PACRG: variants seen among roughly 807,000 people sequenced by gnomAD.
PACRG encodes the protein parkin coregulated gene protein.
Under a neutral mutation model 29.7 loss-of-function variants are expected in PACRG, and 29 were observed. The ratio of observed to expected loss-of-function variants is 0.98; its 90% CI spans 0.73 to 1.33. The LOEUF is 1.33. Ranked by LOEUF, PACRG falls within the 40% of genes most tolerant of loss-of-function variation. The pLI is 0.00. For missense variants in PACRG, 279 were observed against 316.2 expected, an observed-to-expected ratio of 0.88 and a Z score of 0.89; for synonymous variants, 116 against 118.7, an observed-to-expected ratio of 0.98 and a Z score of 0.15.
chr6:162,836,584 C>T (rs1789244561), intron 2 of PACRG, among the ~76,000 whole-genome samples: 1 of 152,172 alleles, frequency 6.6e-6, no homozygotes, highest in Admixed American at 6.6e-5. Flanking sequence ...GAGGGAAGAG[C>T]CCTATGTCAT....
At chr6:162,909,143 A>G (rs925926884) in intron 2 of PACRG, among the ~76,000 whole-genome samples, 3 of 152,178 alleles carry the variant, frequency 2.0e-5, no homozygotes, top group Admixed American at 6.5e-5. Flanking sequence ...ACAAATGATC[A>G]TACTCTTTCA....
intron 2 of PACRG, among the ~76,000 whole-genome samples, chr6:162,902,299 G>T (rs139784977): frequency 6.6e-6 from 1 of 152,158 alleles, no homozygotes; most frequent in African/African-American, 2.4e-5. Context: ...AATCCATTTG[G>T]ATGCTCTAAA....
chr6:162,778,770 GA>G (rs1783850830), intron 1 of PACRG, among the ~76,000 whole-genome samples: 1 of 152,224 alleles, frequency 6.6e-6, no homozygotes, highest in African/African-American at 2.4e-5. Flanking sequence ...CCGGCAGGTG[GA>G]GCAGCACGCC....
chr6:163,008,211 C>T (rs1805300294), intron 2 of PACRG, among the ~76,000 whole-genome samples: 1 of 152,134 alleles, frequency 6.6e-6, no homozygotes, highest in Non-Finnish European at 1.5e-5. Flanking sequence ...CTCACGCACA[C>T]ACTAAGACAC....
chr6:163,180,567 C>A (rs1192101968), intron 4 of PACRG, among the ~76,000 whole-genome samples: 1 of 152,006 alleles, frequency 6.6e-6, no homozygotes, highest in Non-Finnish European at 1.5e-5. Flanking sequence ...TTCAAGGCTG[C>A]AGTGAGCTAT....
intron 1 of PACRG, among the ~76,000 whole-genome samples, chr6:162,779,820 G>A (rs954121832): frequency 3.9e-5 from 6 of 152,142 alleles, no homozygotes; most frequent in African/African-American, 4.8e-5. Flanking sequence ...TAGACAAGAC[G>A]TATGAAACAA....
At chr6:162,870,445 GT>G (rs1224981307) in intron 2 of PACRG, among the ~76,000 whole-genome samples, 4 of 151,974 alleles carry the variant, frequency 2.6e-5, no homozygotes, top group Non-Finnish European at 4.4e-5. Flanking sequence ...ATTTCCATAG[GT>G]TTTTGGGGAA....
chr6:163,000,593 A>G (rs1367694496), intron 2 of PACRG, among the ~76,000 whole-genome samples: 2 of 152,192 alleles, frequency 1.3e-5, no homozygotes, highest in South Asian at 2.1e-4. Flanking sequence ...GGCCTTGGGC[A>G]TGCATCTTAA....
In PACRG at chr6:162,919,171, G is replaced by A. The variant is rs185867001; in HGVS notation, c.291+104890G>A. ...GCAGTTTACGAGGCATATTTTAGACGAAGAACATAGCATGAACAAATTCAT... is the reference window on the plus strand; with the variant it reads ...GCAGTTTACGAGGCATATTTTAGACAAAGAACATAGCATGAACAAATTCAT... On this transcript the variant is annotated intron_variant, in intron 2 of 4. Coordinates refer to ENST00000366888, the MANE Select transcript of PACRG (RefSeq NM_001080379.2). Among the ~76,000 whole-genome samples, 553 of 152,312 alleles carry A rather than the reference G, an allele frequency of 3.6e-3. 2 individuals carry two copies. Among genetic ancestry groups the A allele is most frequent in the Middle Eastern group, 0.024 (7 of 294 alleles).
intron 4 of PACRG, among the ~76,000 whole-genome samples, chr6:163,248,241 CTTT>C (rs1273737482): frequency 6.6e-6 from 1 of 152,202 alleles, no homozygotes; most frequent in Non-Finnish European, 1.5e-5. Context: ...AGATTCCCTT[CTTT>C]GTTTCATTCA....
At chr6:162,778,756 C>T (rs1783848091) in intron 1 of PACRG, among the ~76,000 whole-genome samples, 1 of 152,224 alleles carries the variant, frequency 6.6e-6, no homozygotes, top group Non-Finnish European at 1.5e-5. Flanking sequence ...GTTCCTAATA[C>T]AGACCGGCAG....
At chr6:162,881,378 A>T (rs1314479653) in intron 2 of PACRG, among the ~76,000 whole-genome samples, 5 of 149,996 alleles carry the variant, frequency 3.3e-5, no homozygotes, top group East Asian at 1.9e-4. Context: ...TTATTTTTTT[A>T]AAACTGTATT....
At chr6:163,078,427 C>T (rs1191687244) in intron 3 of PACRG, among the ~76,000 whole-genome samples, 7 of 147,110 alleles carry the variant, frequency 4.8e-5, no homozygotes, top group Admixed American at 4.1e-4. Context: ...CACTTGAACC[C>T]GGGAGACGGA....
chr6:163,069,285 C>CAAAAAAAAAAAAAAAAAAAA (rs11354740), intron 3 of PACRG, among the ~76,000 whole-genome samples: 2 of 94,396 alleles, frequency 2.1e-5, no homozygotes. Flanking sequence ...ATGAACTCAC[C>CAAAAAAAAAAAAAAAAAAAA]AAAAAAAAAA....
chr6:163,196,956 T>C (rs55838936), intron 4 of PACRG, among the ~76,000 whole-genome samples: 11 of 123,974 alleles, frequency 8.9e-5, no homozygotes, highest in Admixed American at 4.2e-4. Flanking sequence ...GATAGATAGA[T>C]AGATAGATAG....
At chr6:162,854,833 C>G (rs1157722816) in intron 2 of PACRG, among the ~76,000 whole-genome samples, 1 of 152,240 alleles carries the variant, frequency 6.6e-6, no homozygotes, top group Non-Finnish European at 1.5e-5. Context: ...TTTAGCACAG[C>G]TGTCCCTTCA....
chr6:162,954,261 ATT>A (rs1799859735), intron 2 of PACRG, among the ~76,000 whole-genome samples: 1 of 152,224 alleles, frequency 6.6e-6, no homozygotes, highest in African/African-American at 2.4e-5. Flanking sequence ...TTTTAGTTGC[ATT>A]AGAAAACAGA....
intron 1 of PACRG, among the ~76,000 whole-genome samples, chr6:162,770,311 G>T (rs1783120022): frequency 6.6e-6 from 1 of 152,120 alleles, no homozygotes; most frequent in Non-Finnish European, 1.5e-5. Context: ...CAACTACCCA[G>T]ATTTGCAAGG....
chr6:162,911,970 C>T lies in PACRG; in HGVS notation c.291+97689C>T, dbSNP rs144067216. 2.9e-3 allele frequency among the ~76,000 whole-genome samples: 435 copies of T among 152,314 alleles called. 3 individuals are homozygous for T. Among genetic ancestry groups the T allele is most frequent in the African/African-American group, 9.9e-3 (412 of 41,572 alleles). ...AAACAAATTCCTCTTTCCAGTCTCT[C>T]CTCTCTACTTCCGCTCTTCTGCCAA... On this transcript the variant is annotated intron_variant, in intron 2 of 4. Transcript: ENST00000366888.
Sources: gnomAD v4.1 joint callset for allele counts (sites outside exome capture counted in the v4.1 genomes callset) on GRCh38, gnomAD v4.1.1 for gene constraint, MANE v1.5 for transcripts, NCBI Gene and HGNC (gene_info 2026-07-23, HGNC 2026-07-21) for gene names.